The following ITGAV variants were observed in gnomAD, a reference collection of about 807,000 sequenced individuals.
The protein encoded by ITGAV is integrin subunit alpha V.
Under a neutral mutation model 143.8 loss-of-function variants are expected in ITGAV, and 76 were observed. That is an observed-to-expected ratio of 0.53 (90% confidence interval 0.44 to 0.64). ITGAV has a LOEUF of 0.64. ITGAV is among the 30% of genes least tolerant of loss of function. The pLI is 0.00. For synonymous variants in ITGAV, 453 were observed against 446.7 expected (o/e 1.01, Z -0.18); for missense variants, 1,193 against 1,274.7 (o/e 0.94, Z 0.98).
intron 2 of ITGAV, among the ~76,000 whole-genome samples, chr2:186,603,832 A>G (rs562808497): frequency 3.8e-4 from 58 of 152,098 alleles, no homozygotes; most frequent in African/African-American, 1.2e-3. Flanking sequence ...TGAAACATAC[A>G]ACTCACATCA....
chr2:186,669,444 G>A (rs1353234947), intron 25 of ITGAV, among the ~76,000 whole-genome samples: 1 of 152,186 alleles, frequency 6.6e-6, no homozygotes, highest in Non-Finnish European at 1.5e-5. Flanking sequence ...ATTTCTGTAT[G>A]TTTCATCAGT....
rs68052001 is a variant in ITGAV, at chr2:186,605,740, G to GTA, written c.316+3607_316+3608dup. 3.7e-4 allele frequency among the ~76,000 whole-genome samples: 19 copies of GTA among 50,794 alleles called. 8 individuals are homozygous for GTA. The highest frequency in any genetic ancestry group is 2.0e-3 in the Admixed American group (9 of 4,522). 33.3% of individuals were successfully genotyped at this position (50,794 alleles called of 152,430 possible). A position where few individuals can be genotyped will look rare whatever the true frequency, so the allele number is the denominator to read the frequency against. ...AAAGTCCTTTAGTGGTTGTAGATGTGTATATATATATATATATATTTATAT... is the reference window on the plus strand; with the variant it reads ...AAAGTCCTTTAGTGGTTGTAGATGTGTATATATATATATATATATATTTATAT... On this transcript the variant is annotated intron_variant, in intron 2 of 29. Coordinates refer to ENST00000261023, the MANE Select transcript of ITGAV (RefSeq NM_002210.5).
intron 15 of ITGAV, among the ~76,000 whole-genome samples, chr2:186,653,464 T>C (rs1688500115): frequency 6.6e-6 from 1 of 152,180 alleles, no homozygotes; most frequent in African/African-American, 2.4e-5. Flanking sequence ...GATTGGTGCC[T>C]AAAAAAGTTT....
In ITGAV at chr2:186,646,726, AG is replaced by A; in HGVS notation, c.1202del (p.Gly401GlufsTer13). 1 of 1,604,364 alleles carries A rather than the reference AG, an allele frequency of 6.2e-7. No homozygotes were observed. Among genetic ancestry groups the A allele is most frequent in the Non-Finnish European group, 8.5e-7 (1 of 1,173,514 alleles). Reference sequence around the variant, plus strand: ...CTCCATATGGGGGTGAAGATAAAAAAGGAATTGTTTATATCTTCAATGGAAG... The same window carrying A: ...CTCCATATGGGGGTGAAGATAAAAAAGAATTGTTTATATCTTCAATGGAAG... ...AAPYGGEDKKGIVYIFNGRST... is the reference protein window; with the variant it reads ...AAPYGGEDKKXIVYIFNGRST... On this transcript the variant is annotated frameshift_variant, in exon 13 of 30. Transcript: ENST00000261023. LOFTEE classifies it high-confidence loss of function.
At position 186,634,483 on chromosome 2, in the gene ITGAV, G is replaced by A. The variant is rs191378094; in HGVS notation, c.631+1109G>A. 2.0e-5 allele frequency among the ~76,000 whole-genome samples: 3 copies of A among 152,166 alleles called. No homozygotes were observed. The East Asian group carries it at 5.8e-4, about 29-fold the overall frequency. On this transcript the variant is annotated intron_variant, in intron 6 of 29. Transcript: ENST00000261023. ...TAGAAAACATGCTTGCTTTTGCCTTGTGGAGAGGGAAGCTAAAGAAAGAGA... is the reference window on the plus strand; with the variant it reads ...TAGAAAACATGCTTGCTTTTGCCTTATGGAGAGGGAAGCTAAAGAAAGAGA...
rs1259851482 is a variant in ITGAV at position 186,677,189 on chromosome 2, A to C, written c.3052-8A>C. On this transcript the variant is annotated splice_region_variant and splice_polypyrimidine_tract_variant and intron_variant, in intron 29 of 29. Transcript: ENST00000261023. ...TGACAGTAATAATGGTTTTTCTTCA[A>C]CTGACAGATGGGCTTTTTTAAACGG... The C allele has an allele frequency of 5.0e-6, 8 of 1,612,514 alleles. No individual in the cohort carries two copies. In the African/African-American group the frequency reaches 5.3e-5, roughly 11 times the overall value.
chr2:186,670,479 T>G (rs1390723742), intron 26 of ITGAV, among the ~76,000 whole-genome samples: 1 of 152,106 alleles, frequency 6.6e-6, no homozygotes, highest in Non-Finnish European at 1.5e-5. Context: ...TTTTGTATTT[T>G]TTGTTGAGAT....
rs190304383 is a variant in ITGAV, at chr2:186,662,408, G to A, written c.1858-1360G>A. Among the ~76,000 whole-genome samples the A allele has an allele frequency of 2.1e-3, 313 of 151,720 alleles. 1 individual carries two copies. The highest frequency in any genetic ancestry group is 7.2e-3 in the African/African-American group (297 of 41,430). Reference sequence around the variant, plus strand: ...GTTACGAATCTTTGTCCAATATATAGCCACTTGCAAGCCTCATGTGGCTTC... The same window carrying A: ...GTTACGAATCTTTGTCCAATATATAACCACTTGCAAGCCTCATGTGGCTTC... On this transcript the variant is annotated intron_variant, in intron 18 of 29. Coordinates refer to ENST00000261023, the MANE Select transcript of ITGAV (RefSeq NM_002210.5).
In ITGAV at chr2:186,602,118, C is replaced by G. The variant is rs199804238; in HGVS notation, c.283C>G (p.Arg95Gly). ...QVLKCDWSSTRRCQPIEFDAT... is the reference protein window; with the variant it reads ...QVLKCDWSSTGRCQPIEFDAT... ...CCTCAAATGTGACTGGTCTTCTACC[C>G]GCCGGTGCCAGCCAATTGAATTTGA... Residue 95 changes from arginine (R) to glycine (G), a missense_variant, in exon 2 of 30, where the codon CGC (arginine) becomes GGC (glycine). Arg to Gly is a moderately radical substitution (Grantham distance 125, BLOSUM62 -2). Transcript: ENST00000261023. 2 of 1,612,238 alleles carry G rather than the reference C, an allele frequency of 1.2e-6. No individual in the cohort carries two copies. Among genetic ancestry groups the G allele is most frequent in the South Asian group, 1.1e-5 (1 of 90,834 alleles).
intron 2 of ITGAV, among the ~76,000 whole-genome samples, chr2:186,613,566 C>T (rs1687275879): frequency 6.6e-6 from 1 of 152,028 alleles, no homozygotes; most frequent in African/African-American, 2.4e-5. Context: ...GGTTGCAGAA[C>T]TTATTTTTGT....
At chr2:186,652,558 G>A (rs755183521) in intron 15 of ITGAV, among the ~76,000 whole-genome samples, 70 of 152,036 alleles carry the variant, frequency 4.6e-4, no homozygotes, top group Admixed American at 1.7e-3. Flanking sequence ...ATATCTAAAG[G>A]CTGTAAAGAT....
intron 16 of ITGAV, among the ~76,000 whole-genome samples, chr2:186,655,565 T>G (rs566358336): frequency 6.6e-6 from 1 of 152,292 alleles, no homozygotes; most frequent in Non-Finnish European, 1.5e-5. Flanking sequence ...TCACCCAAAT[T>G]TGAAATAAAG....
At position 186,600,150 on chromosome 2, in the gene ITGAV, C is replaced by T. The variant is rs151309209; in HGVS notation, c.186-1871C>T. Reference sequence around the variant, plus strand: ...TATTTGACTTAGTTATTGCCAGGCTCCTTGACCTTATCTTGTGCCACTCCC... The same window carrying T: ...TATTTGACTTAGTTATTGCCAGGCTTCTTGACCTTATCTTGTGCCACTCCC... On this transcript the variant is annotated intron_variant, in intron 1 of 29. Coordinates refer to ENST00000261023, the MANE Select transcript of ITGAV (RefSeq NM_002210.5). The T allele has an allele frequency of 1.2e-3, 655 of 551,426 alleles. 3 individuals are homozygous for T. Among genetic ancestry groups the T allele is most frequent in the African/African-American group, 0.011 (590 of 52,026 alleles). 34.2% of individuals were successfully genotyped at this position (551,426 alleles called of 1,614,324 possible).
intron 1 of ITGAV, among the ~76,000 whole-genome samples, 200 bp downstream of exon 1, chr2:186,590,723 C>A (rs926094316): frequency 6.6e-6 from 1 of 152,208 alleles, no homozygotes; most frequent in Non-Finnish European, 1.5e-5. Flanking sequence ...CACCCAGTTA[C>A]ACCCCGCTTC....
At chr2:186,644,492 A>C (rs531876274) in intron 12 of ITGAV, among the ~76,000 whole-genome samples, 2 of 151,460 alleles carry the variant, frequency 1.3e-5, no homozygotes, top group Middle Eastern at 3.2e-3. Context: ...TGCCTGGCTA[A>C]TTTTTGTATT....
chr2:186,651,494 C>G (rs1010342869), intron 14 of ITGAV, among the ~76,000 whole-genome samples: 3 of 152,044 alleles, frequency 2.0e-5, no homozygotes, highest in African/African-American at 7.2e-5. Flanking sequence ...TTATTTGTTT[C>G]TTCTATTAGA....
At chr2:186,596,051 T>G (rs1686741562) in intron 1 of ITGAV, among the ~76,000 whole-genome samples, 1 of 152,236 alleles carries the variant, frequency 6.6e-6, no homozygotes, top group Non-Finnish European at 1.5e-5. Context: ...AATAACTTAT[T>G]AATGGCATCA....
intron 1 of ITGAV, among the ~76,000 whole-genome samples, chr2:186,591,863 AT>A (rs911070657): frequency 6.6e-6 from 1 of 152,152 alleles, no homozygotes; most frequent in African/African-American, 2.4e-5. Context: ...TGGAGCACAG[AT>A]TTTCCAACAT....
At chr2:186,604,481 AT>A (rs1397150403) in intron 2 of ITGAV, among the ~76,000 whole-genome samples, 1 of 152,190 alleles carries the variant, frequency 6.6e-6, no homozygotes, top group Non-Finnish European at 1.5e-5. Context: ...ATACACAAGT[AT>A]TTGTACAAAT....
Sources: allele counts gnomAD v4.1 joint callset (sites outside exome capture counted in the v4.1 genomes callset), GRCh38; gene constraint gnomAD v4.1.1; transcripts MANE v1.5; gene names NCBI Gene and HGNC (gene_info 2026-07-23, HGNC 2026-07-21).